ACTR3B: variants seen among roughly 807,000 people sequenced by gnomAD.
ACTR3B encodes the protein actin related protein 3B.
ACTR3B carries 8 observed loss-of-function variants against 59.0 expected under a neutral mutation model. That is an observed-to-expected ratio of 0.14 (90% CI 0.08 to 0.24). ACTR3B has a LOEUF of 0.24. Ranked by LOEUF, ACTR3B falls within the 10% of genes least tolerant of loss-of-function variation. The pLI is 1.00. For synonymous variants in ACTR3B, 148 were observed against 197.9 expected, an observed-to-expected ratio of 0.75 and a Z score of 2.12; for missense variants, 245 against 552.3, an observed-to-expected ratio of 0.44 and a Z score of 5.58.
chr7:152,778,943 CAAAAAAAAAAAAAAAAAAAAA>C (rs59789390), intron 1 of ACTR3B, among the ~76,000 whole-genome samples: 19 of 36,798 alleles, frequency 5.2e-4, no homozygotes, highest in South Asian at 1.2e-3. Flanking sequence ...ACTGTGTCTC[CAAAAAAAAAAAAAAAAAAAAA>C]AAAAAAAAAA....
Position 152,854,785 on chromosome 7 carries a change from CCCTCCT to C in ACTR3B, c.*244_*249del. The stretch of plus-strand genomic sequence containing the variant: ...CTCCCGCCCTCCTCACCCTCGCTCT[CCCTCCT>C]CCTCCTCCTCCGAGCTGCTAGCTGA... On this transcript the variant is annotated 3_prime_UTR_variant, in exon 12 of 12. Coordinates refer to ENST00000256001, the MANE Select transcript of ACTR3B (RefSeq NM_020445.6). The surrounding 1 kb of genome is among the most constrained non-coding windows in gnomAD (Gnocchi z 4.9). 3 of 480,694 alleles carry C rather than the reference CCCTCCT, an allele frequency of 6.2e-6. No individual in the cohort carries two copies. The highest frequency in any genetic ancestry group is 2.0e-5 in the African/African-American group (1 of 50,922). 29.8% of individuals were successfully genotyped at this position (480,694 alleles called of 1,614,324 possible).
At chr7:152,805,895 T>C (rs1563111604) in intron 4 of ACTR3B, among the ~76,000 whole-genome samples, 1 of 152,204 alleles carries the variant, frequency 6.6e-6, no homozygotes, top group Non-Finnish European at 1.5e-5. Flanking sequence ...TGGAGTAATA[T>C]TAGATACATG....
At chr7:152,773,995 G>A (rs1218914386) in intron 1 of ACTR3B, among the ~76,000 whole-genome samples, 1 of 152,200 alleles carries the variant, frequency 6.6e-6, no homozygotes, top group Non-Finnish European at 1.5e-5. Context: ...TGTTGGGCTC[G>A]TTCTCAGCTC....
At chr7:152,804,846 A>G (rs2098247592) in intron 4 of ACTR3B, among the ~76,000 whole-genome samples, 1 of 152,094 alleles carries the variant, frequency 6.6e-6, no homozygotes, top group South Asian at 2.1e-4. Flanking sequence ...TCAGTCCAGC[A>G]CTTTGCTCCC....
chr7:152,810,454 C>G (rs1456767672), intron 4 of ACTR3B, among the ~76,000 whole-genome samples: 2 of 144,946 alleles, frequency 1.4e-5, no homozygotes, highest in African/African-American at 2.5e-5. Flanking sequence ...GAGGGGGTCT[C>G]TATGTTGTCC....
intron 2 of ACTR3B, among the ~76,000 whole-genome samples, chr7:152,796,874 T>TG (rs1563102375): frequency 2.7e-4 from 24 of 87,988 alleles, no homozygotes; most frequent in African/African-American, 1.2e-3. Flanking sequence ...TTTTTTTTTT[T>TG]TTTTTTTTTT....
At chr7:152,786,910 C>T (rs1174688001) in intron 2 of ACTR3B, among the ~76,000 whole-genome samples, 1 of 152,198 alleles carries the variant, frequency 6.6e-6, no homozygotes, top group Admixed American at 6.5e-5. Flanking sequence ...TACAGATCCA[C>T]ATCAGAATTC....
chr7:152,851,022 A>G (rs963091175), intron 9 of ACTR3B, among the ~76,000 whole-genome samples: 7 of 152,222 alleles, frequency 4.6e-5, no homozygotes, highest in Non-Finnish European at 7.3e-5. Context: ...CAGGAGATAC[A>G]CTAGTCCCCC....
At chr7:152,799,730 T>C (rs1375730397) in intron 2 of ACTR3B, among the ~76,000 whole-genome samples, 2 of 152,250 alleles carry the variant, frequency 1.3e-5, no homozygotes, top group South Asian at 2.1e-4. Flanking sequence ...AGTGAGGAGA[T>C]GGTGTTGATG....
chr7:152,793,352 G>T (rs2098204339), intron 2 of ACTR3B, among the ~76,000 whole-genome samples: 1 of 115,736 alleles, frequency 8.6e-6, no homozygotes, highest in Admixed American at 9.3e-5. Flanking sequence ...ACTTCTTCCA[G>T]TCTATTTTCT....
chr7:152,795,833 C>T (rs2098214387), intron 2 of ACTR3B, among the ~76,000 whole-genome samples: 1 of 149,202 alleles, frequency 6.7e-6, no homozygotes, highest in African/African-American at 2.5e-5. Context: ...TGAAAGGCAA[C>T]TTAGTAGCTC....
chr7:152,780,366 A>AAC (rs71182040), intron 1 of ACTR3B, among the ~76,000 whole-genome samples: 12 of 148,624 alleles, frequency 8.1e-5, no homozygotes, highest in Non-Finnish European at 1.5e-4. Flanking sequence ...AAAAAAAAAA[A>AAC]TTAATATATC....
chr7:152,784,842 C>T (rs1428169274), intron 2 of ACTR3B, among the ~76,000 whole-genome samples: 1 of 151,856 alleles, frequency 6.6e-6, no homozygotes, highest in Non-Finnish European at 1.5e-5. Flanking sequence ...TTGATGGGGA[C>T]CCCACATTTA....
chr7:152,830,675 A>G (rs573006279), intron 9 of ACTR3B, among the ~76,000 whole-genome samples: 382 of 152,180 alleles, frequency 2.5e-3, no homozygotes, highest in African/African-American at 8.7e-3. Flanking sequence ...CAGCCCCTCA[A>G]GTAGCTGGAA....
At chr7:152,822,762 C>G (rs971522915) in intron 7 of ACTR3B, among the ~76,000 whole-genome samples, 1 of 152,230 alleles carries the variant, frequency 6.6e-6, no homozygotes. Context: ...GGTACACTGT[C>G]TCTAGGCAAA....
intron 4 of ACTR3B, among the ~76,000 whole-genome samples, chr7:152,810,158 G>A (rs1428744665): frequency 6.6e-6 from 1 of 152,072 alleles, no homozygotes; most frequent in Non-Finnish European, 1.5e-5. Context: ...CCAGGCTGGA[G>A]TACAGTGGCA....
At chr7:152,769,695 T>C (rs1469954192) in intron 1 of ACTR3B, among the ~76,000 whole-genome samples, 1 of 152,138 alleles carries the variant, frequency 6.6e-6, no homozygotes, top group African/African-American at 2.4e-5. Context: ...TTTATTTTAT[T>C]AATATCTTTT....
chr7:152,823,026 AG>A (rs1796298316), intron 7 of ACTR3B, among the ~76,000 whole-genome samples: 1 of 152,222 alleles, frequency 6.6e-6, no homozygotes, highest in Non-Finnish European at 1.5e-5. Context: ...GAGAGGAACA[AG>A]GCAAGACGAG....
chr7:152,811,512 A>G (rs1292043604), intron 4 of ACTR3B: 1 of 152,210 alleles, frequency 6.6e-6, no homozygotes, highest in Non-Finnish European at 1.5e-5. Flanking sequence ...GTCTTAATTT[A>G]ACTATTTTTT....
Sources: gnomAD v4.1 joint callset for allele counts (sites outside exome capture counted in the v4.1 genomes callset) on GRCh38, gnomAD v4.1.1 for gene constraint, Gnocchi (gnomAD v3.1) non-coding constraint, MANE v1.5 for transcripts, NCBI Gene and HGNC (gene_info 2026-07-23, HGNC 2026-07-21) for gene names.